IFT88: variants seen among roughly 807,000 people sequenced by gnomAD.
IFT88 encodes the protein intraflagellar transport 88.
IFT88 carries 74 observed loss-of-function variants against 119.5 expected under a neutral mutation model. The ratio of observed to expected loss-of-function variants is 0.62; its 90% CI spans 0.51 to 0.75. IFT88 has a LOEUF of 0.75. IFT88 is among the 30% of genes least tolerant of loss of function. The pLI is 0.00. For synonymous variants in IFT88, 279 were observed against 316.7 expected (o/e 0.88, Z 1.26); for missense variants, 961 against 977.7 (o/e 0.98, Z 0.23).
chr13:20,664,952 A>G (rs1425075416), intron 23 of IFT88, among the ~76,000 whole-genome samples: 3 of 151,922 alleles, frequency 2.0e-5, no homozygotes, highest in Non-Finnish European at 1.5e-5. Flanking sequence ...GGTGGAGGGC[A>G]CCTGTAGTCC....
At chr13:20,578,979 C>G (rs1338168998) in intron 2 of IFT88, among the ~76,000 whole-genome samples, 1 of 152,096 alleles carries the variant, frequency 6.6e-6, no homozygotes, top group African/African-American at 2.4e-5. Flanking sequence ...TTCACAAAAC[C>G]AACTTTTTGT....
At chr13:20,647,936 G>T (rs1450659309) in intron 20 of IFT88, among the ~76,000 whole-genome samples, 1 of 152,124 alleles carries the variant, frequency 6.6e-6, no homozygotes, top group Non-Finnish European at 1.5e-5. Flanking sequence ...AGAGAATCTC[G>T]ACAGCAACAA....
intron 13 of IFT88, among the ~76,000 whole-genome samples, chr13:20,611,518 A>C (rs2044525077): frequency 2.0e-5 from 1 of 50,674 alleles, no homozygotes; most frequent in Non-Finnish European, 6.1e-5. Flanking sequence ...CAGTCTCAAA[A>C]AAAAAAAAAA....
Position 20,578,034 on chromosome 13 carries a change from C to CTTTTTTTTTTTT in IFT88, c.90+3576_90+3587dup, listed in dbSNP as rs57202566. Among the ~76,000 whole-genome samples the CTTTTTTTTTTTT allele has an allele frequency of 3.8e-4, 21 of 55,872 alleles. 3 individuals are homozygous for CTTTTTTTTTTTT. The highest frequency in any genetic ancestry group is 1.3e-3 in the African/African-American group (20 of 15,418). 36.7% of individuals were successfully genotyped at this position (55,872 alleles called of 152,430 possible). A position where few individuals can be genotyped will look rare whatever the true frequency, so the allele number is the denominator to read the frequency against. On this transcript the variant is annotated intron_variant, in intron 2 of 25. Coordinates refer to ENST00000351808, the MANE Select transcript of IFT88 (RefSeq NM_006531.5). ...TATTGTGGCTTCAGTCTTGTTACTT[C>CTTTTTTTTTTTT]TTTTTTTTTTTTTTTTTTTTTTTTT...
intron 13 of IFT88, 127 bp from the exon 14 acceptor site, chr13:20,615,666 G>C: frequency 4.0e-6 from 2 of 497,746 alleles, no homozygotes; most frequent in Non-Finnish European, 7.0e-6. Context: ...TATGGTACCT[G>C]TCCATTGTTT....
intron 24 of IFT88, among the ~76,000 whole-genome samples, chr13:20,683,331 C>A (rs1462736648): frequency 6.6e-6 from 1 of 152,082 alleles, no homozygotes; most frequent in South Asian, 2.1e-4. Context: ...GTTTCTTTAA[C>A]CCTTGTAAAT....
chr13:20,604,944 A>T, intron 12 of IFT88, 91 bp from the exon 13 acceptor site: 1 of 631,970 alleles, frequency 1.6e-6, no homozygotes, highest in Non-Finnish European at 2.8e-6. Flanking sequence ...CAATAGAGTG[A>T]GGCTGTATCT....
At chr13:20,615,466 G>A (rs1183859201) in intron 13 of IFT88, among the ~76,000 whole-genome samples, 7 of 152,042 alleles carry the variant, frequency 4.6e-5, no homozygotes, top group African/African-American at 1.4e-4. Context: ...CTTTACTTTC[G>A]TGTCTGCAGT....
intron 1 of IFT88, among the ~76,000 whole-genome samples, chr13:20,570,638 T>C (rs1252004768): frequency 6.6e-6 from 1 of 151,506 alleles, no homozygotes; most frequent in Non-Finnish European, 1.5e-5. Context: ...ATTTCCTTAA[T>C]ATGAAATGTC....
chr13:20,587,559 A>G (rs1363635814), intron 3 of IFT88, among the ~76,000 whole-genome samples: 2 of 152,078 alleles, frequency 1.3e-5, no homozygotes, highest in Non-Finnish European at 2.9e-5. Context: ...CGTCTGGCCT[A>G]CTGGTTCTAT....
intron 23 of IFT88, 139 bp from the exon 24 acceptor site, chr13:20,670,832 TTC>T: frequency 1.8e-6 from 1 of 544,926 alleles, no homozygotes; most frequent in East Asian, 3.3e-5. Flanking sequence ...TTTTTTTTTT[TTC>T]TATAGAATCA....
rs567959189 is a variant in IFT88, at chr13:20,655,166, G to A, written c.2003-1199G>A. Among the ~76,000 whole-genome samples the A allele has an allele frequency of 5.9e-5, 9 of 152,256 alleles. No homozygotes were observed. The South Asian group carries it at 1.9e-3, about 32-fold the overall frequency. On this transcript the variant is annotated intron_variant, in intron 21 of 25. Coordinates refer to ENST00000351808, the MANE Select transcript of IFT88 (RefSeq NM_006531.5). ...AAAACTGTAAAGGCCGGACACAGTG[G>A]CTCACGCCTGTAATTCCAGCACTTT...
Position 20,576,293 on chromosome 13 carries a change from A to G in IFT88, c.90+1818A>G, listed in dbSNP as rs1209494360. ...TAATCCCTTGTCAGAGGGATAGTTTATAAATATTTTCTCCCATTCTGTGGG... is the reference window on the plus strand; with the variant it reads ...TAATCCCTTGTCAGAGGGATAGTTTGTAAATATTTTCTCCCATTCTGTGGG... On this transcript the variant is annotated intron_variant, in intron 2 of 25. Transcript: ENST00000351808. Among the ~76,000 whole-genome samples the G allele has an allele frequency of 2.6e-5, 4 of 152,130 alleles. No homozygotes were observed. The South Asian group carries it at 6.2e-4, about 24-fold the overall frequency.
chr13:20,660,000 A>G (rs2053525776), intron 22 of IFT88, among the ~76,000 whole-genome samples: 2 of 152,244 alleles, frequency 1.3e-5, no homozygotes, highest in African/African-American at 2.4e-5. Flanking sequence ...TGGAGTGACT[A>G]TTCTGTTCCA....
intron 24 of IFT88, among the ~76,000 whole-genome samples, chr13:20,680,384 T>C (rs763465666): frequency 1.3e-5 from 2 of 152,218 alleles, no homozygotes; most frequent in Non-Finnish European, 2.9e-5. Flanking sequence ...CTAAAAACTT[T>C]CGTTAGTGTA....
At chr13:20,581,846 C>G (rs7333367) in intron 2 of IFT88, among the ~76,000 whole-genome samples, 11,649 of 101,530 alleles carry the variant, frequency 0.11, 566 homozygotes, top group African/African-American at 0.14. Context: ...GAGTGAAACC[C>G]TGTCTCAAAA....
intron 7 of IFT88, among the ~76,000 whole-genome samples, chr13:20,594,138 G>A (rs1259275417): frequency 6.6e-6 from 1 of 151,934 alleles, no homozygotes; most frequent in Non-Finnish European, 1.5e-5. Flanking sequence ...TGGAGGAAGG[G>A]AAGTTCTGGG....
intron 24 of IFT88, among the ~76,000 whole-genome samples, chr13:20,682,606 G>A (rs1162314236): frequency 1.3e-5 from 2 of 152,220 alleles, no homozygotes; most frequent in African/African-American, 2.4e-5. Flanking sequence ...GGAGTGAGGA[G>A]GAGCAGTCTG....
At chr13:20,649,809 G>A (rs933091995) in intron 20 of IFT88, among the ~76,000 whole-genome samples, 2 of 151,982 alleles carry the variant, frequency 1.3e-5, no homozygotes, top group Non-Finnish European at 2.9e-5. Flanking sequence ...GCAAGTAGAG[G>A]CCTCACTACC....
Sources: allele counts gnomAD v4.1 joint callset (sites outside exome capture counted in the v4.1 genomes callset), GRCh38; gene constraint gnomAD v4.1.1; transcripts MANE v1.5; gene names NCBI Gene and HGNC (gene_info 2026-07-23, HGNC 2026-07-21).